The following KMT2C variants were observed in gnomAD, a reference collection of about 807,000 sequenced individuals.
KMT2C encodes lysine methyltransferase 2C, also known as histone-lysine N-methyltransferase 2C.
In KMT2C, 88 loss-of-function variants were observed where a neutral mutation model predicts 507.9. The ratio of observed to expected loss-of-function variants is 0.17; its 90% CI spans 0.15 to 0.21. KMT2C has a LOEUF of 0.21. KMT2C is among the 10% of genes least tolerant of loss of function. KMT2C has a pLI of 1.00. For missense variants in KMT2C, 4,954 were observed against 5,957.8 expected, an observed-to-expected ratio of 0.83 and a Z score of 5.55; for synonymous variants, 2,049 against 2,080.8, an observed-to-expected ratio of 0.98 and a Z score of 0.42.
In KMT2C at chr7:152,165,431, A is replaced by G. The variant is rs549161869; in HGVS notation, c.9751-1605T>C. On this transcript the variant is annotated intron_variant, in intron 42 of 58. Coordinates refer to ENST00000262189, the MANE Select transcript of KMT2C (RefSeq NM_170606.3). ...CCAGATGGCAATGAAAGTGCTAAAA[A>G]AAATATACTTTATTAAACATATCTT... 3.3e-5 allele frequency among the ~76,000 whole-genome samples: 5 copies of G among 152,378 alleles called. No homozygotes were observed. In the South Asian group the frequency reaches 6.2e-4, roughly 19 times the overall value.
intron 9 of KMT2C, among the ~76,000 whole-genome samples, chr7:152,255,140 T>TATATATATATAC (rs1431722417): frequency 2.4e-5 from 3 of 125,468 alleles, no homozygotes; most frequent in Non-Finnish European, 3.2e-5. Flanking sequence ...TATATATATA[T>TATATATATATAC]ATATACATAT....
At chr7:152,253,043 C>T (rs896463152) in intron 9 of KMT2C, among the ~76,000 whole-genome samples, 1 of 151,992 alleles carries the variant, frequency 6.6e-6, no homozygotes, top group Non-Finnish European at 1.5e-5. Context: ...ACTAAAGACA[C>T]AGGGTTTCAC....
intron 6 of KMT2C, among the ~76,000 whole-genome samples, chr7:152,279,328 A>T (rs2096155387): frequency 6.6e-6 from 1 of 152,336 alleles, no homozygotes; most frequent in East Asian, 1.9e-4. Flanking sequence ...AGAGGAAAAC[A>T]TATAGCTTCA....
At chr7:152,169,330 A>G (rs1448002988) in intron 40 of KMT2C, 81 bp from the exon 41 acceptor site, 8 of 778,632 alleles carry the variant, frequency 1.0e-5, no homozygotes, top group South Asian at 1.6e-5. Context: ...AAAGAAAGAA[A>G]AAAAGAAATG....
intron 6 of KMT2C, among the ~76,000 whole-genome samples, chr7:152,307,553 A>T (rs987728706): frequency 6.6e-6 from 1 of 152,174 alleles, no homozygotes; most frequent in African/African-American, 2.4e-5. Flanking sequence ...ACCAACTCCA[A>T]GTACTCAATC....
chr7:152,209,610 C>T (rs1354570861), intron 23 of KMT2C, among the ~76,000 whole-genome samples: 4 of 151,362 alleles, frequency 2.6e-5, no homozygotes, highest in African/African-American at 9.7e-5. Context: ...GGTGGCATGC[C>T]GGTAATCCCA....
Position 152,310,013 on chromosome 7 carries a change from G to A in KMT2C, c.802C>T (p.Pro268Ser). 1 of 1,613,830 alleles carries A rather than the reference G, an allele frequency of 6.2e-7. No homozygotes were observed. The highest frequency in any genetic ancestry group is 8.5e-7 in the Non-Finnish European group (1 of 1,179,860). Residue 268 changes from proline to serine, a missense_variant, in exon 6 of 59, where the codon CCA becomes TCA. Physicochemically the swap from Pro to Ser is moderately conservative, Grantham distance 74. This residue lies in a region of KMT2C where 233 missense variants were observed against 263.6 expected (regional missense o/e 0.88). Coordinates refer to ENST00000262189, the MANE Select transcript of KMT2C (RefSeq NM_170606.3). ...GCTTTGTCCACGTTCACTAACAATG[G>A]TTCTTCCATCTGGCATACTCCTAGT... ...WSLGVCQMEE[P>S]LLVNVDKAVV...
rs184096460 is a variant in KMT2C at position 152,428,326 on chromosome 7, A to G, written c.161+7300T>C. On this transcript the variant is annotated intron_variant, in intron 1 of 58. Coordinates refer to ENST00000262189, the MANE Select transcript of KMT2C (RefSeq NM_170606.3). ...TTAAAATCCAAGTTTAAAAATCATA[A>G]AAAGGGCTGGGTGCGGTGGCTCATG... Among the ~76,000 whole-genome samples the G allele has an allele frequency of 1.3e-4, 20 of 152,060 alleles. No homozygotes were observed. In the East Asian group the frequency reaches 3.9e-3, roughly 29 times the overall value.
chr7:152,167,887 G>A (rs771523564), intron 41 of KMT2C, among the ~76,000 whole-genome samples: 7 of 151,928 alleles, frequency 4.6e-5, no homozygotes, highest in African/African-American at 1.7e-4. Context: ...AGAGAGAAAA[G>A]GAACCCAGAA....
intron 25 of KMT2C, among the ~76,000 whole-genome samples, chr7:152,203,807 A>C (rs2094215864): frequency 1.3e-5 from 2 of 152,190 alleles, no homozygotes; most frequent in Non-Finnish European, 2.9e-5. Context: ...AGAAATAGAC[A>C]AACATTTTTT....
chr7:152,353,268 CA>C (rs1161146026), intron 2 of KMT2C, among the ~76,000 whole-genome samples: 1 of 152,054 alleles, frequency 6.6e-6, no homozygotes, highest in South Asian at 2.1e-4. Flanking sequence ...ACTAAAAATA[CA>C]AAAAAATTAG....
chr7:152,306,699 C>T (rs991444388), intron 6 of KMT2C, among the ~76,000 whole-genome samples: 1 of 152,146 alleles, frequency 6.6e-6, no homozygotes, highest in Admixed American at 6.5e-5. Flanking sequence ...AAGATGTGTA[C>T]CAATTTGCAT....
At chr7:152,364,139 A>G (rs903034242) in intron 1 of KMT2C, among the ~76,000 whole-genome samples, 1 of 152,218 alleles carries the variant, frequency 6.6e-6, no homozygotes, top group Non-Finnish European at 1.5e-5. Flanking sequence ...AAAATAAATA[A>G]GTCTCAACTG....
chr7:152,231,529 T>C (rs2095112316), intron 16 of KMT2C, among the ~76,000 whole-genome samples: 3 of 152,276 alleles, frequency 2.0e-5, no homozygotes, highest in South Asian at 2.1e-4. Flanking sequence ...GCCTATAATC[T>C]TAGCACTTTG....
At chr7:152,289,706 A>G (rs1490249970) in intron 6 of KMT2C, among the ~76,000 whole-genome samples, 10 of 152,142 alleles carry the variant, frequency 6.6e-5, no homozygotes, top group African/African-American at 2.4e-4. Flanking sequence ...ACTAATTCCA[A>G]TACTTAAAGA....
At position 152,215,688 on chromosome 7, in the gene KMT2C, T is replaced by TATATATATATATATATAC. The variant is rs766518165; in HGVS notation, c.3712+4834_3712+4835insGTATATATATATATATAT. On this transcript the variant is annotated intron_variant, in intron 23 of 58. Transcript: ENST00000262189. ...ACAAAAGGAACAAAATATATATATA[T>TATATATATATATATATAC]ACACACACACATACACACACAAAAT... is the stretch of plus-strand genomic sequence containing the variant. 1.6e-4 allele frequency among the ~76,000 whole-genome samples: 21 copies of TATATATATATATATATAC among 134,496 alleles called. 3 individuals are homozygous for TATATATATATATATATAC. The highest frequency in any genetic ancestry group is 6.1e-4 in the African/African-American group (18 of 29,668). The allele number at this position is 134,496 out of a possible 152,430, so 88.2% of individuals were successfully genotyped here.
intron 26 of KMT2C, among the ~76,000 whole-genome samples, chr7:152,201,358 G>C (rs1371858940): frequency 6.6e-6 from 1 of 151,140 alleles, no homozygotes; most frequent in Non-Finnish European, 1.5e-5. Context: ...GTGCAACAGG[G>C]GAACAAGACG....
At chr7:152,241,528 A>G (rs1482013294) in intron 14 of KMT2C, among the ~76,000 whole-genome samples, 1 of 152,216 alleles carries the variant, frequency 6.6e-6, no homozygotes, top group Non-Finnish European at 1.5e-5. Flanking sequence ...ATGGCCTTAC[A>G]TATTTTCTCA....
At chr7:152,311,971 G>A (rs1221663865) in intron 4 of KMT2C, 25 bp from the exon 5 acceptor site, 1 of 1,520,766 alleles carries the variant, frequency 6.6e-7, no homozygotes, top group Non-Finnish European at 8.9e-7. Flanking sequence ...AAATAACTGT[G>A]AAAGTGAAAA....
Sources: allele counts gnomAD v4.1 joint callset (sites outside exome capture counted in the v4.1 genomes callset), GRCh38; gene constraint gnomAD v4.1.1; regional missense constraint gnomAD v4.1.1; transcripts MANE v1.5; gene names NCBI Gene and HGNC (gene_info 2026-07-23, HGNC 2026-07-21).